The following NFS1 variants were observed in gnomAD, a reference collection of about 807,000 sequenced individuals.
NFS1 encodes cysteine desulfurase.
NFS1 carries 26 observed loss-of-function variants against 57.3 expected under a neutral mutation model. The observed-to-expected ratio is 0.45, with a 90% CI of 0.33 to 0.63. The LOEUF (loss-of-function observed/expected upper bound fraction) is 0.63, where lower values mean the gene tolerates loss of function less well. NFS1 is among the 20% of genes least tolerant of loss of function. The probability of loss-of-function intolerance (pLI) is 0.02; values close to 1 mark genes in which losing one functional copy is unlikely to be tolerated. For missense variants in NFS1, 505 were observed against 605.8 expected (o/e 0.83, Z 1.75); for synonymous variants, 209 against 216.3 (o/e 0.97, Z 0.30).
At chr20:35,674,926 A>G in intron 8 of NFS1, 119 bp downstream of exon 8, 1 of 1,374,924 alleles carries the variant, frequency 7.3e-7, no homozygotes, top group East Asian at 2.3e-5. Context: ...CAGGACAAGG[A>G]AGAGTTTTCT....
At chr20:35,684,938 A>T (rs1488571127) in intron 5 of NFS1, among the ~76,000 whole-genome samples, 1 of 150,550 alleles carries the variant, frequency 6.6e-6, no homozygotes, top group Non-Finnish European at 1.5e-5. Context: ...CCCAAGGTGG[A>T]GTGCAGTGGC....
chr20:35,676,663 A>G (rs865897402), intron 7 of NFS1, among the ~76,000 whole-genome samples: 9 of 151,532 alleles, frequency 5.9e-5, no homozygotes, highest in Middle Eastern at 3.4e-3. Flanking sequence ...TGGATAAAAA[A>G]GAAAGCTGGA....
intron 7 of NFS1, among the ~76,000 whole-genome samples, chr20:35,677,491 G>A (rs552432613): frequency 1.0e-3 from 152 of 152,178 alleles, no homozygotes; most frequent in African/African-American, 3.5e-3. Context: ...AGCTATGATC[G>A]TGCCACTCAC....
chr20:35,685,470 C>T (rs1296544339), intron 5 of NFS1, among the ~76,000 whole-genome samples: 2 of 150,648 alleles, frequency 1.3e-5, no homozygotes, highest in South Asian at 2.1e-4. Context: ...TGCAGTGAGC[C>T]GAGGTCATGT....
chr20:35,692,235 G>A, intron 4 of NFS1: 1 of 275,346 alleles, frequency 3.6e-6, no homozygotes, highest in Non-Finnish European at 7.1e-6. Context: ...TTAGCGAGGT[G>A]TGGTGGCACG....
At chr20:35,688,650 A>G (rs2034986796) in intron 5 of NFS1, among the ~76,000 whole-genome samples, 1 of 151,958 alleles carries the variant, frequency 6.6e-6, no homozygotes, top group Non-Finnish European at 1.5e-5. Flanking sequence ...CTGAGGCCAC[A>G]GTGAGCTATG....
chr20:35,677,594 A>ACT (rs2034775600), intron 7 of NFS1, among the ~76,000 whole-genome samples: 1 of 152,214 alleles, frequency 6.6e-6, no homozygotes, highest in Non-Finnish European at 1.5e-5. Flanking sequence ...AAGCCGAATT[A>ACT]CAGAAATTTT....
rs1477125467 is a variant in NFS1, at chr20:35,673,954, CAAG to C, written c.1137-273_1137-271del. On this transcript the variant is annotated intron_variant, in intron 10 of 12. Transcript: ENST00000374092. ...AGAGCATGATACCACATGGGTTTGA[CAAG>C]AAGACGCAGCAGAGGACCATGTGCT... The C allele has an allele frequency of 2.2e-5, 10 of 452,276 alleles. No individual in the cohort carries two copies. In the East Asian group the frequency reaches 3.8e-4, roughly 17 times the overall value. The allele number at this position is 452,276 out of a possible 1,614,324, so 28.0% of individuals were successfully genotyped here.
rs374238211 is a variant in NFS1 at position 35,696,407 on chromosome 20, A to C, written c.378T>G (p.Gly126=). ...ADPREIIFTS[G]ATESNNIAIK... Reference sequence around the variant, plus strand: ...TTGCTATGTTGTTGGATTCAGTAGCACCACTAGTAAAAATGATCTCACGAG... The same window carrying C: ...TTGCTATGTTGTTGGATTCAGTAGCCCCACTAGTAAAAATGATCTCACGAG... The change falls in exon 4 of 13, where the codon GGT becomes GGG. Residue 126 remains glycine (G), a synonymous_variant. Coordinates refer to ENST00000374092, the MANE Select transcript of NFS1 (RefSeq NM_021100.5). The C allele has an allele frequency of 6.2e-6, 10 of 1,613,842 alleles. No homozygotes were observed. The African/African-American group carries it at 1.3e-4, about 22-fold the overall frequency.
Position 35,699,299 on chromosome 20 carries a change from G to A in NFS1, c.-11C>T. On this transcript the variant is annotated 5_prime_UTR_variant, in exon 1 of 13. Coordinates refer to ENST00000374092, the MANE Select transcript of NFS1 (RefSeq NM_021100.5). This position sits in a 1 kb window ranked among gnomAD's most constrained non-coding sequence, Gnocchi z 4.4. ...GGCTCGGAGCAGCATGGTCCCGCTG[G>A]CAGAGCCCACCTTCCGAAGCCGCTG... 1 of 1,399,570 alleles carries A rather than the reference G, an allele frequency of 7.1e-7. No individual in the cohort carries two copies. The highest frequency in any genetic ancestry group is 9.2e-7 in the Non-Finnish European group (1 of 1,084,656). 86.7% of individuals were successfully genotyped at this position (1,399,570 alleles called of 1,614,324 possible). A position where few individuals can be genotyped will look rare whatever the true frequency, so the allele number is the denominator to read the frequency against.
At position 35,669,571 on chromosome 20, in the gene NFS1, G is replaced by A. The variant is rs1408367211; in HGVS notation, c.*51C>T. 2 of 1,550,880 alleles carry A rather than the reference G, an allele frequency of 1.3e-6. No homozygotes were observed. The highest frequency in any genetic ancestry group is 2.7e-5 in the African/African-American group (2 of 73,830). ...TAACAAGGTGTCTGGTTGTGCACGG[G>A]TTGGTGAGGCAGGAGGGGCCAGACC... On this transcript the variant is annotated 3_prime_UTR_variant, in exon 13 of 13. Coordinates refer to ENST00000374092, the MANE Select transcript of NFS1 (RefSeq NM_021100.5).
Position 35,681,912 on chromosome 20 carries a change from C to T in NFS1, c.631G>A (p.Val211Met). The T allele has an allele frequency of 6.2e-7, 1 of 1,612,336 alleles. No individual in the cohort carries two copies. Among genetic ancestry groups the T allele is most frequent in the Non-Finnish European group, 8.5e-7 (1 of 1,178,436 alleles). Residue 211 changes from valine to methionine, a missense_variant, in exon 6 of 13, where the codon GTG (valine) becomes ATG (methionine). Transcript: ENST00000374092. ...SVMTVNNEIG[V>M]KQPIAEIGRI... ...CCTATTTCTGCAATAGGCTGCTTCA[C>T]TCCAATCTCATTGTTCACAGTCATG... is the stretch of plus-strand genomic sequence containing the variant.
At position 35,690,540 on chromosome 20, in the gene NFS1, C is replaced by T. The variant is rs747237535; in HGVS notation, c.434G>A (p.Arg145Gln). Residue 145 changes from arginine (R) to glutamine (Q), a missense_variant, in exon 5 of 13, where the codon CGG (arginine) becomes CAG (glutamine). Physicochemically the swap from Arg to Gln is conservative, Grantham distance 43 (BLOSUM62 1). Transcript: ENST00000374092. ...IKGVARFYRSRKKHLITTQTE... is the reference protein window; with the variant it reads ...IKGVARFYRSQKKHLITTQTE... ...CTGGGTGGTGATCAAGTGCTTTTTC[C>T]GTGACCTGTAGAATCGGGCCACCCC... The T allele has an allele frequency of 1.7e-5, 28 of 1,613,876 alleles. 1 individual carries two copies. The highest frequency in any genetic ancestry group is 1.5e-4 in the South Asian group (14 of 91,064).
chr20:35,693,124 A>C (rs1305896835), intron 4 of NFS1, among the ~76,000 whole-genome samples: 2 of 152,016 alleles, frequency 1.3e-5, no homozygotes, highest in Non-Finnish European at 2.9e-5. Context: ...TTATTTTTTG[A>C]GACGGTCTCA....
chr20:35,697,054 C>A (rs752145738), intron 3 of NFS1, among the ~76,000 whole-genome samples: 1 of 152,042 alleles, frequency 6.6e-6, no homozygotes, highest in African/African-American at 2.4e-5. Context: ...TGCAGTGAGC[C>A]GAGATCGTGC....
intron 5 of NFS1, among the ~76,000 whole-genome samples, chr20:35,688,755 A>C (rs970794213): frequency 3.3e-5 from 4 of 121,222 alleles, no homozygotes; most frequent in African/African-American, 1.2e-4. Context: ...GAGGGAGGAA[A>C]AGAGGGAGGG....
At chr20:35,698,297 A>G (rs1045711270) in intron 2 of NFS1, among the ~76,000 whole-genome samples, 184 bp downstream of exon 2, 23 of 152,372 alleles carry the variant, frequency 1.5e-4, no homozygotes, top group African/African-American at 5.0e-4. Context: ...ACCAAGGTCA[A>G]TTGCTAGTGA....
Position 35,673,210 on chromosome 20 carries a change from C to T in NFS1, c.1221-366G>A, listed in dbSNP as rs533619692. 1.0e-3 allele frequency among the ~76,000 whole-genome samples: 155 copies of T among 152,114 alleles called. 1 individual carries two copies. The highest frequency in any genetic ancestry group is 1.6e-3 in the Non-Finnish European group (109 of 67,978). ...GGCTGAGGCAGGAGAATTGCTTGAA[C>T]CTGCAAGTCAGAGGCTTCAGTGAGC... On this transcript the variant is annotated intron_variant, in intron 11 of 12. Coordinates refer to ENST00000374092, the MANE Select transcript of NFS1 (RefSeq NM_021100.5).
intron 6 of NFS1, 94 bp from the exon 7 acceptor site, chr20:35,680,965 G>T (rs1022368082): frequency 9.2e-7 from 1 of 1,089,128 alleles, no homozygotes; most frequent in Non-Finnish European, 1.2e-6. Flanking sequence ...AATAGTAAAT[G>T]ACCTGTAAAT....
Sources: gnomAD v4.1 joint callset for allele counts (sites outside exome capture counted in the v4.1 genomes callset) on GRCh38, gnomAD v4.1.1 for gene constraint, Gnocchi (gnomAD v3.1) non-coding constraint, MANE v1.5 for transcripts, NCBI Gene and HGNC (gene_info 2026-07-23, HGNC 2026-07-21) for gene names.